CLIC2: variants seen among roughly 807,000 people sequenced by gnomAD.
CLIC2 encodes the protein chloride intracellular channel protein 2.
In CLIC2, 9 loss-of-function variants were observed where a neutral mutation model predicts 14.8. That is an observed-to-expected ratio of 0.61 (90% confidence interval 0.37 to 1.06). The LOEUF (loss-of-function observed/expected upper bound fraction) is 1.06. Among genes scored for constraint, CLIC2 ranks in the 50% least tolerant of loss-of-function variants. CLIC2 has a pLI of 0.01. For missense variants in CLIC2, 148 were observed against 181.4 expected, an observed-to-expected ratio of 0.82 and a Z score of 1.06; for synonymous variants, 61 against 66.3, an observed-to-expected ratio of 0.92 and a Z score of 0.39.
At chrX:155,325,135 T>C (rs2075131396) in intron 1 of CLIC2, among the ~76,000 whole-genome samples, 1 of 111,842 alleles carries the variant, frequency 8.9e-6, no homozygotes, top group East Asian at 2.8e-4. Context: ...TGTGGAGAAA[T>C]AGGAACACTT....
chrX:155,306,977 G>A, intron 1 of CLIC2, among the ~76,000 whole-genome samples: 1 of 111,421 alleles, frequency 9.0e-6, no homozygotes, highest in East Asian at 2.8e-4. Flanking sequence ...CACTTTTTCT[G>A]CTTTGAAATT....
At chrX:155,291,094 C>T in intron 3 of CLIC2, 2 of 941,326 alleles carry the variant, frequency 2.1e-6, no homozygotes, top group South Asian at 4.1e-5. Flanking sequence ...TTTTGACGGA[C>T]ATGAGAATGA....
chrX:155,331,547 C>G, intron 1 of CLIC2, among the ~76,000 whole-genome samples: 1 of 111,413 alleles, frequency 9.0e-6, no homozygotes, highest in Middle Eastern at 4.6e-3. Flanking sequence ...TACTACATTG[C>G]CAACTACTGT....
chrX:155,332,532 A>C (rs2075160201), intron 1 of CLIC2, among the ~76,000 whole-genome samples: 2 of 111,920 alleles, frequency 1.8e-5, no homozygotes, highest in African/African-American at 6.5e-5. Flanking sequence ...AATATTAGAC[A>C]TAGCTATTTT....
chrX:155,285,434 C>A (rs1024937578), intron 3 of CLIC2, among the ~76,000 whole-genome samples: 1 of 111,539 alleles, frequency 9.0e-6, no homozygotes, highest in African/African-American at 3.3e-5. Context: ...GACTTTAAGC[C>A]GACTGTAGTA....
chrX:155,326,960 G>A (rs1191707596), intron 1 of CLIC2, among the ~76,000 whole-genome samples: 2 of 111,607 alleles, frequency 1.8e-5, no homozygotes, highest in Non-Finnish European at 3.8e-5. Flanking sequence ...CTTTAAAAGG[G>A]CAACACGGAT....
intron 3 of CLIC2, chrX:155,292,651 T>A: frequency 3.9e-6 from 1 of 255,654 alleles, no homozygotes; most frequent in Non-Finnish European, 6.9e-6. Context: ...GCGCCTGTAG[T>A]CCCAGCTACT....
At chrX:155,314,304 C>A (rs1311818328) in intron 1 of CLIC2, among the ~76,000 whole-genome samples, 1 of 112,265 alleles carries the variant, frequency 8.9e-6, no homozygotes, top group Non-Finnish European at 1.9e-5. Flanking sequence ...AATAAAAATA[C>A]AACCAAAGAC....
intron 1 of CLIC2, among the ~76,000 whole-genome samples, chrX:155,330,433 T>C (rs1187845130): frequency 9.0e-6 from 1 of 110,991 alleles, no homozygotes; most frequent in African/African-American, 3.3e-5. Flanking sequence ...CATGAAAAGA[T>C]GCCCAATATC....
chrX:155,291,904 C>G (rs2074966803), intron 3 of CLIC2, among the ~76,000 whole-genome samples: 1 of 111,985 alleles, frequency 8.9e-6, no homozygotes, highest in South Asian at 3.7e-4. Context: ...GGAGCGCTGC[C>G]GCCGCCGCAG....
At chrX:155,294,222 A>C (rs187933094) in intron 3 of CLIC2, among the ~76,000 whole-genome samples, 1 of 112,121 alleles carries the variant, frequency 8.9e-6, no homozygotes, top group East Asian at 2.8e-4. Context: ...GCCACAATGA[A>C]ATCAAATCAA....
intron 1 of CLIC2, among the ~76,000 whole-genome samples, chrX:155,329,532 T>C (rs2075149573): frequency 9.3e-6 from 1 of 107,579 alleles, no homozygotes; most frequent in African/African-American, 3.3e-5. Flanking sequence ...AGACAGGAAA[T>C]AACAAACGCT....
intron 3 of CLIC2, chrX:155,290,419 G>C: frequency 2.1e-6 from 1 of 482,824 alleles, no homozygotes; most frequent in Non-Finnish European, 3.7e-6. Context: ...TCTTTTTCCT[G>C]CATGCTGCTT....
intron 1 of CLIC2, among the ~76,000 whole-genome samples, chrX:155,323,420 A>G (rs782589057): frequency 2.1e-4 from 24 of 112,374 alleles, no homozygotes; most frequent in Non-Finnish European, 3.9e-4. Flanking sequence ...AAGAGAACCA[A>G]TGACAAAAAC....
Position 155,334,550 on chromosome X carries a change from C to T in CLIC2, c.-123G>A, listed in dbSNP as rs1444759481. On this transcript the variant is annotated 5_prime_UTR_variant, in exon 1 of 6. Transcript: ENST00000369449. ...TTGGTGCTTTAAGAAGACCGTCTAG[C>T]TTGTAGTGGACTGAGTCAGACCTGG... is the stretch of plus-strand genomic sequence containing the variant. 1.6e-6 allele frequency: 1 copy of T among 607,303 alleles called. No homozygotes were observed. Among genetic ancestry groups the T allele is most frequent in the Non-Finnish European group, 2.8e-6 (1 of 356,625 alleles). The allele number at this position is 607,303 out of a possible 1,213,427, so 50.0% of individuals were successfully genotyped here.
intron 1 of CLIC2, among the ~76,000 whole-genome samples, chrX:155,304,687 C>T (rs1449695583): frequency 9.9e-6 from 1 of 101,475 alleles, no homozygotes; most frequent in Non-Finnish European, 2.0e-5. Flanking sequence ...TTTTTCTGTT[C>T]TGTTTTTTCC....
chrX:155,305,892 A>T (rs2124191237), intron 1 of CLIC2, among the ~76,000 whole-genome samples: 1 of 112,157 alleles, frequency 8.9e-6, no homozygotes, highest in South Asian at 3.7e-4. Flanking sequence ...AGATTACAAA[A>T]AACATATTTC....
chrX:155,281,542 G>C (rs1004758777), intron 3 of CLIC2, among the ~76,000 whole-genome samples: 16 of 110,453 alleles, frequency 1.4e-4, no homozygotes, highest in African/African-American at 5.0e-4. Context: ...GCTAGAAATG[G>C]TCAGGTCAAA....
chrX:155,312,034 T>C (rs1407977876), intron 1 of CLIC2, among the ~76,000 whole-genome samples: 1 of 111,533 alleles, frequency 9.0e-6, no homozygotes, highest in Non-Finnish European at 1.9e-5. Context: ...AACCATATGA[T>C]TATTGTTGCA....
Sources: gnomAD v4.1 joint callset for allele counts (sites outside exome capture counted in the v4.1 genomes callset) on GRCh38, gnomAD v4.1.1 for gene constraint, MANE v1.5 for transcripts, NCBI Gene and HGNC (gene_info 2026-07-23, HGNC 2026-07-21) for gene names.